DPP10: variants seen among roughly 807,000 people sequenced by gnomAD.
DPP10 encodes inactive dipeptidyl peptidase 10.
In DPP10, 33 loss-of-function variants were observed where a neutral mutation model predicts 120.9. That is an observed-to-expected ratio of 0.27 (90% CI 0.21 to 0.37). The LOEUF is 0.37. Ranked by LOEUF, DPP10 falls within the 10% of genes least tolerant of loss-of-function variation. The probability of loss-of-function intolerance (pLI) is 1.00; values close to 1 mark genes in which losing one functional copy is unlikely to be tolerated. For synonymous variants in DPP10, 337 were observed against 326.1 expected (o/e 1.03, Z -0.36); for missense variants, 816 against 942.8 (o/e 0.87, Z 1.76).
intron 1 of DPP10, among the ~76,000 whole-genome samples, chr2:114,596,020 C>T (rs1269642185): frequency 5.9e-5 from 9 of 152,122 alleles, no homozygotes; most frequent in East Asian, 3.9e-4. Context: ...ATTTTGATGC[C>T]TTTTTAGGAA....
intron 1 of DPP10, among the ~76,000 whole-genome samples, chr2:114,547,506 G>A (rs1687516095): frequency 1.3e-5 from 2 of 151,982 alleles, no homozygotes; most frequent in African/African-American, 4.8e-5. Context: ...TTTGTCCTGG[G>A]CATCACAAAT....
chr2:114,649,574 G>A (rs942315116), intron 1 of DPP10, among the ~76,000 whole-genome samples: 2 of 151,838 alleles, frequency 1.3e-5, no homozygotes, highest in Admixed American at 6.6e-5. Flanking sequence ...GGATGGTCTC[G>A]ATCTCCTGAC....
intron 5 of DPP10, among the ~76,000 whole-genome samples, chr2:115,652,401 G>A (rs1377742016): frequency 1.5e-5 from 2 of 133,840 alleles, no homozygotes; most frequent in African/African-American, 5.7e-5. Flanking sequence ...AAAACCAATA[G>A]GATATATATG....
chr2:114,825,816 G>A (rs888789446), intron 1 of DPP10, among the ~76,000 whole-genome samples: 1 of 152,158 alleles, frequency 6.6e-6, no homozygotes, highest in African/African-American at 2.4e-5. Flanking sequence ...ACACTGTATA[G>A]CCTAAATAAC....
chr2:115,653,005 T>C (rs994881029), intron 5 of DPP10, among the ~76,000 whole-genome samples: 1 of 151,898 alleles, frequency 6.6e-6, no homozygotes, highest in Non-Finnish European at 1.5e-5. Context: ...TCAAAATAAA[T>C]GTTCTAATTA....
In DPP10 at chr2:114,700,325, C is replaced by T. The variant is rs116593899; in HGVS notation, c.60+257487C>T. ...AGATACCATCTGCATATCCAATAGA[C>T]AGAGTAAAACAAACAAACTCCTAGG... is the stretch of plus-strand genomic sequence containing the variant. On this transcript the variant is annotated intron_variant, in intron 1 of 25. Coordinates refer to ENST00000410059, the MANE Select transcript of DPP10 (RefSeq NM_020868.6). Among the ~76,000 whole-genome samples the T allele has an allele frequency of 8.9e-3, 1,354 of 152,170 alleles. 14 individuals carry two copies. Among genetic ancestry groups the T allele is most frequent in the African/African-American group, 0.031 (1,293 of 41,526 alleles).
chr2:115,628,289 A>G (rs1420824104), intron 5 of DPP10, among the ~76,000 whole-genome samples: 5 of 151,956 alleles, frequency 3.3e-5, no homozygotes, highest in Admixed American at 2.0e-4. Flanking sequence ...GCTTTTTTTC[A>G]TGCTTCTTGG....
At chr2:115,382,405 C>T (rs951648523) in intron 3 of DPP10, among the ~76,000 whole-genome samples, 1 of 152,200 alleles carries the variant, frequency 6.6e-6, no homozygotes, top group African/African-American at 2.4e-5. Context: ...CAATGCCTCG[C>T]CCTGCTTCGG....
chr2:114,715,804 C>CTATTAATATATA (rs1701308923), intron 1 of DPP10, among the ~76,000 whole-genome samples: 1 of 151,654 alleles, frequency 6.6e-6, no homozygotes, highest in South Asian at 2.1e-4. Context: ...TAATGGATGA[C>CTATTAATATATA]TATTAATATA....
chr2:114,787,357 A>G (rs1045623181), intron 1 of DPP10, among the ~76,000 whole-genome samples: 11 of 152,148 alleles, frequency 7.2e-5, no homozygotes, highest in Non-Finnish European at 1.3e-4. Context: ...GACAGGCAAA[A>G]CGTGGAAGCC....
chr2:114,491,048 G>A (rs1241065856), intron 1 of DPP10, among the ~76,000 whole-genome samples: 1 of 152,080 alleles, frequency 6.6e-6, no homozygotes, highest in African/African-American at 2.4e-5. Flanking sequence ...TCAAAATTGT[G>A]TTCTTTTACT....
Position 115,229,413 on chromosome 2 carries a change from C to A in DPP10, c.61-79826C>A, listed in dbSNP as rs552012972. The stretch of plus-strand genomic sequence containing the variant: ...CATTTGTCCATCTTTGCTTTCGTTG[C>A]GCATGCTTGTTGATTATTACTCAAG... On this transcript the variant is annotated intron_variant, in intron 1 of 25. Coordinates refer to ENST00000410059, the MANE Select transcript of DPP10 (RefSeq NM_020868.6). 5.3e-5 allele frequency among the ~76,000 whole-genome samples: 8 copies of A among 152,150 alleles called. No homozygotes were observed. In the South Asian group the frequency reaches 1.7e-3, roughly 32 times the overall value.
At chr2:114,888,002 G>A (rs1259836910) in intron 1 of DPP10, among the ~76,000 whole-genome samples, 1 of 152,028 alleles carries the variant, frequency 6.6e-6, no homozygotes, top group Non-Finnish European at 1.5e-5. Flanking sequence ...AATTAGCTGG[G>A]CGTGGTGGTG....
At chr2:114,508,889 G>A (rs768334716) in intron 1 of DPP10, among the ~76,000 whole-genome samples, 8 of 152,042 alleles carry the variant, frequency 5.3e-5, no homozygotes, top group Non-Finnish European at 1.0e-4. Context: ...CAGAAACAGG[G>A]TCTTTTAAAA....
At chr2:114,648,277 C>T (rs563245712) in intron 1 of DPP10, among the ~76,000 whole-genome samples, 3 of 152,320 alleles carry the variant, frequency 2.0e-5, no homozygotes, top group Non-Finnish European at 2.9e-5. Flanking sequence ...ATCCAGGAGT[C>T]TCATGTCTTC....
chr2:115,360,560 G>T (rs922358340), intron 3 of DPP10, among the ~76,000 whole-genome samples: 2 of 152,230 alleles, frequency 1.3e-5, no homozygotes, highest in South Asian at 4.1e-4. Flanking sequence ...GTGCATTTGT[G>T]TAGTGTTCCA....
intron 1 of DPP10, among the ~76,000 whole-genome samples, chr2:115,082,753 T>C (rs4849377): frequency 6.6e-6 from 1 of 152,128 alleles, no homozygotes; most frequent in Non-Finnish European, 1.5e-5. Flanking sequence ...GAGCAATCTC[T>C]CTTTAGATCA....
At chr2:114,828,466 A>G (rs1686763843) in intron 1 of DPP10, 1 of 152,248 alleles carries the variant, frequency 6.6e-6, no homozygotes, top group Non-Finnish European at 1.5e-5. Context: ...ACGTTTATTT[A>G]GAATCTACTA....
chr2:115,558,254 G>T (rs2149034638), intron 5 of DPP10, among the ~76,000 whole-genome samples: 1 of 152,126 alleles, frequency 6.6e-6, no homozygotes, highest in East Asian at 1.9e-4. Context: ...TCTTGAAGGA[G>T]ATCTAAGTAA....
Sources: gnomAD v4.1 joint callset for allele counts (sites outside exome capture counted in the v4.1 genomes callset) on GRCh38, gnomAD v4.1.1 for gene constraint, MANE v1.5 for transcripts, NCBI Gene and HGNC (gene_info 2026-07-23, HGNC 2026-07-21) for gene names.